ITPR3: variants seen among roughly 807,000 people sequenced by gnomAD.
The protein encoded by ITPR3 is inositol 1,4,5-trisphosphate-gated calcium channel ITPR3.
In ITPR3, 173 loss-of-function variants were observed where a neutral mutation model predicts 293.2. The observed-to-expected ratio is 0.59, with a 90% CI of 0.52 to 0.67. ITPR3 has a LOEUF of 0.67. ITPR3 is among the 30% of genes least tolerant of loss of function. The pLI is 0.00. For missense variants in ITPR3, 2,796 were observed against 3,592.1 expected (o/e 0.78, Z 5.66); for synonymous variants, 1,295 against 1,444.4 (o/e 0.90, Z 2.35).
In ITPR3 at chr6:33,686,994, T is replaced by C; in HGVS notation, c.5980-15T>C. ...CCTGAGACTGTGGCCTGCCTCCCTCTGCCCCTCCACCCAGGACAATGCCTC... is the reference window on the plus strand; with the variant it reads ...CCTGAGACTGTGGCCTGCCTCCCTCCGCCCCTCCACCCAGGACAATGCCTC... On this transcript the variant is annotated splice_polypyrimidine_tract_variant and intron_variant, in intron 43 of 57. Coordinates refer to ENST00000605930, the MANE Select transcript of ITPR3 (RefSeq NM_002224.4). The C allele has an allele frequency of 6.2e-7, 1 of 1,608,390 alleles. No homozygotes were observed. The highest frequency in any genetic ancestry group is 8.5e-7 in the Non-Finnish European group (1 of 1,175,384).
At chr6:33,662,763 A>T (rs1447019012) in intron 8 of ITPR3, 89 bp downstream of exon 8, 3 of 1,540,704 alleles carry the variant, frequency 1.9e-6, no homozygotes, top group Non-Finnish European at 1.8e-6. Context: ...TGGGATATTG[A>T]CCCCTACCTC....
Position 33,691,226 on chromosome 6 carries a change from C to A in ITPR3, c.7225+117C>A. ...CCTCACCAGGCTCCCGTCTGCTTCT[C>A]CTCTTGGCTTCTGGGGACGTCTAGC... On this transcript the variant is annotated intron_variant, in intron 52 of 57. Coordinates refer to ENST00000605930, the MANE Select transcript of ITPR3 (RefSeq NM_002224.4). The surrounding 1 kb of genome is among the most constrained non-coding windows in gnomAD (Gnocchi z 4.9). 1.0e-6 allele frequency: 1 copy of A among 991,496 alleles called. No individual in the cohort carries two copies. Among genetic ancestry groups the A allele is most frequent in the South Asian group, 1.6e-5 (1 of 64,390 alleles). 61.4% of individuals were successfully genotyped at this position (991,496 alleles called of 1,614,324 possible).
rs989628031 is a variant in ITPR3 at position 33,667,697 on chromosome 6, C to T, written c.1714-95C>T. The T allele has an allele frequency of 7.1e-7, 1 of 1,405,860 alleles. No homozygotes were observed. Among genetic ancestry groups the T allele is most frequent in the Non-Finnish European group, 9.8e-7 (1 of 1,024,358 alleles). The allele number at this position is 1,405,860 out of a possible 1,614,324, so 87.1% of individuals were successfully genotyped here. On this transcript the variant is annotated intron_variant, in intron 15 of 57. Coordinates refer to ENST00000605930, the MANE Select transcript of ITPR3 (RefSeq NM_002224.4). The surrounding 1 kb of genome is among the most constrained non-coding windows in gnomAD (Gnocchi z 4.4). ...CTCTGCCTTTCTAGGGTATTGGGTCCTTACCTCGGGGTTTGGGGGCAGCGT... is the reference window on the plus strand; with the variant it reads ...CTCTGCCTTTCTAGGGTATTGGGTCTTTACCTCGGGGTTTGGGGGCAGCGT...
intron 7 of ITPR3, among the ~76,000 whole-genome samples, chr6:33,660,497 C>T (rs1158788636): frequency 6.6e-6 from 1 of 152,112 alleles, no homozygotes; most frequent in African/African-American, 2.4e-5. Flanking sequence ...TACCCATGCC[C>T]TGCCCCAATG....
intron 7 of ITPR3, 113 bp from the exon 8 acceptor site, chr6:33,662,415 G>A: frequency 8.0e-7 from 1 of 1,253,062 alleles, no homozygotes; most frequent in Non-Finnish European, 1.1e-6. Flanking sequence ...GGCTCTGGAA[G>A]AGGGGCCCTG....
rs1227229947 is a variant in ITPR3 at position 33,679,656 on chromosome 6, G to A, written c.3973-226G>A. ...ATGACCCCTATGGGACTTCTTTCCAGTGGGGAGAAGCGGGGACTTTCTGGG... is the reference window on the plus strand; with the variant it reads ...ATGACCCCTATGGGACTTCTTTCCAATGGGGAGAAGCGGGGACTTTCTGGG... On this transcript the variant is annotated intron_variant, in intron 30 of 57. Coordinates refer to ENST00000605930, the MANE Select transcript of ITPR3 (RefSeq NM_002224.4). The surrounding 1 kb of genome is among the most constrained non-coding windows in gnomAD (Gnocchi z 4.2). Among the ~76,000 whole-genome samples the A allele has an allele frequency of 2.6e-5, 4 of 152,160 alleles. No individual in the cohort carries two copies. Among genetic ancestry groups the A allele is most frequent in the Non-Finnish European group, 5.9e-5 (4 of 68,036 alleles).
At chr6:33,662,765 C>A in intron 8 of ITPR3, 91 bp downstream of exon 8, 1 of 1,533,854 alleles carries the variant, frequency 6.5e-7, no homozygotes, top group East Asian at 2.3e-5. Context: ...GGATATTGAC[C>A]CCTACCTCCC....
intron 48 of ITPR3, 40 bp from the exon 49 acceptor site, chr6:33,688,616 C>T: frequency 1.2e-6 from 2 of 1,611,850 alleles, no homozygotes; most frequent in South Asian, 1.1e-5. Flanking sequence ...GGGGTGCTCA[C>T]CAGGGCCCTC....
chr6:33,640,677 C>T (rs764082161), intron 2 of ITPR3, 123 bp downstream of exon 2: 33 of 744,672 alleles, frequency 4.4e-5, no homozygotes, highest in Middle Eastern at 3.1e-4. Context: ...GCCCTGCAGA[C>T]CTCACTCTGC....
At chr6:33,657,827 G>A (rs1323806760) in intron 3 of ITPR3, 105 bp from the exon 4 acceptor site, 1 of 838,622 alleles carries the variant, frequency 1.2e-6, no homozygotes, top group African/African-American at 1.7e-5. Context: ...GTGTGTGTGT[G>A]TGTGTGTTTG....
Position 33,692,098 on chromosome 6 carries a change from T to C in ITPR3, c.7458+170T>C, listed in dbSNP as rs1765410901. ...TCCACACCTGGCCAATTCCATGATATTACTGCTTAGCTGCCCCCTCACCCT... is the reference window on the plus strand; with the variant it reads ...TCCACACCTGGCCAATTCCATGATACTACTGCTTAGCTGCCCCCTCACCCT... On this transcript the variant is annotated intron_variant, in intron 54 of 57. Transcript: ENST00000605930. This position sits in a 1 kb window ranked among gnomAD's most constrained non-coding sequence, Gnocchi z 4.2. 6.6e-6 allele frequency among the ~76,000 whole-genome samples: 1 copy of C among 152,236 alleles called. No individual in the cohort carries two copies. Among genetic ancestry groups the C allele is most frequent in the Non-Finnish European group, 1.5e-5 (1 of 68,050 alleles).
intron 2 of ITPR3, 119 bp downstream of exon 2, chr6:33,640,673 C>T: frequency 1.3e-6 from 1 of 783,292 alleles, no homozygotes; most frequent in Non-Finnish European, 2.0e-6. Context: ...CGCTGCCCTG[C>T]AGACCTCACT....
At chr6:33,662,741 C>T (rs1764505755) in intron 8 of ITPR3, 67 bp downstream of exon 8, 1 of 1,580,828 alleles carries the variant, frequency 6.3e-7, no homozygotes, top group Non-Finnish European at 8.6e-7. Flanking sequence ...TCTTCCCCAC[C>T]ATCCTGGAGG....
At chr6:33,659,823 G>A (rs974771259) in intron 7 of ITPR3, among the ~76,000 whole-genome samples, 1 of 152,166 alleles carries the variant, frequency 6.6e-6, no homozygotes, top group Non-Finnish European at 1.5e-5. Context: ...TCAGTGGACT[G>A]GGGGTCTCCA....
rs1327513979 is a variant in ITPR3 at position 33,633,891 on chromosome 6, T to TCCGGAGCCGCGCGGAC, written c.90-6590_90-6575dup. Reference sequence around the variant, plus strand: ...GGCCAGGGAGGCCAGACCTACGCTCTCCGGAGCCGCGCGGACCCAGAACCG... The same window carrying TCCGGAGCCGCGCGGAC: ...GGCCAGGGAGGCCAGACCTACGCTCTCCGGAGCCGCGCGGACCCGGAGCCGCGCGGACCCAGAACCG... On this transcript the variant is annotated intron_variant, in intron 1 of 57. Coordinates refer to ENST00000605930, the MANE Select transcript of ITPR3 (RefSeq NM_002224.4). The surrounding 1 kb of genome is among the most constrained non-coding windows in gnomAD (Gnocchi z 5.2). Among the ~76,000 whole-genome samples, 1 of 150,274 alleles carries TCCGGAGCCGCGCGGAC rather than the reference T, an allele frequency of 6.7e-6. No homozygotes were observed. The highest frequency in any genetic ancestry group is 1.5e-5 in the Non-Finnish European group (1 of 67,348).
rs1763432659 is a variant in ITPR3, at chr6:33,621,423, G to C, written c.-180G>C. ...GGGCACCTCCTCACCCGGACCCCGG[G>C]CCCCGCCGAGCCGCCTCCTGGCTCC... is the stretch of plus-strand genomic sequence containing the variant. On this transcript the variant is annotated 5_prime_UTR_variant, in exon 1 of 58. Coordinates refer to ENST00000605930, the MANE Select transcript of ITPR3 (RefSeq NM_002224.4). The surrounding 1 kb of genome is among the most constrained non-coding windows in gnomAD (Gnocchi z 7.7). 1 of 443,132 alleles carries C rather than the reference G, an allele frequency of 2.3e-6. No individual in the cohort carries two copies. Among genetic ancestry groups the C allele is most frequent in the Admixed American group, 4.6e-5 (1 of 21,736 alleles). The allele number at this position is 443,132 out of a possible 1,614,324, so 27.5% of individuals were successfully genotyped here. A position where few individuals can be genotyped will look rare whatever the true frequency, so the allele number is the denominator to read the frequency against.
In ITPR3 at chr6:33,679,779, G is replaced by A; in HGVS notation, c.3973-103G>A. ...GAGGGTTTTCCTGATTTCAGGTAAG[G>A]GCTGTGGTCAGAGTCCCAGTTTCTC... On this transcript the variant is annotated intron_variant, in intron 30 of 57. Transcript: ENST00000605930. The surrounding 1 kb of genome is among the most constrained non-coding windows in gnomAD (Gnocchi z 4.2). The A allele has an allele frequency of 7.0e-7, 1 of 1,422,214 alleles. No individual in the cohort carries two copies. 88.1% of individuals were successfully genotyped at this position (1,422,214 alleles called of 1,614,324 possible). A position where few individuals can be genotyped will look rare whatever the true frequency, so the allele number is the denominator to read the frequency against.
chr6:33,666,908 G>A lies in ITPR3; in HGVS notation c.1552-221G>A, dbSNP rs554481903. On this transcript the variant is annotated intron_variant, in intron 14 of 57. Coordinates refer to ENST00000605930, the MANE Select transcript of ITPR3 (RefSeq NM_002224.4). The surrounding 1 kb of genome is among the most constrained non-coding windows in gnomAD (Gnocchi z 5.1). ...TGGGATTAGAATCCGCATCAGGGAG[G>A]GATAGGCTGGGGTCAGCTTCGGGAT... Among the ~76,000 whole-genome samples, 168 of 152,298 alleles carry A rather than the reference G, an allele frequency of 1.1e-3. No individual in the cohort carries two copies. Among genetic ancestry groups the A allele is most frequent in the African/African-American group, 3.8e-3 (158 of 41,568 alleles).
In ITPR3 at chr6:33,667,938, C is replaced by A. The variant is rs761489863; in HGVS notation, c.1860C>A (p.Ser620Arg). Residue 620 changes from serine to arginine, a missense_variant, in exon 16 of 58, where the codon AGC becomes AGA. This residue lies in a region of ITPR3 where 955 missense variants were observed against 1,180.8 expected (regional missense o/e 0.81). Coordinates refer to ENST00000605930, the MANE Select transcript of ITPR3 (RefSeq NM_002224.4). The surrounding 1 kb of genome is among the most constrained non-coding windows in gnomAD (Gnocchi z 4.4). ...ITKTEVETFV[S>R]LVRKNREPRF... ...AGACCGAGGTGGAGACCTTCGTCAG[C>A]CTTGTGCGCAAGAACCGGGAGCCCA... 9 of 1,614,224 alleles carry A rather than the reference C, an allele frequency of 5.6e-6. No homozygotes were observed.
Sources: allele counts gnomAD v4.1 joint callset (sites outside exome capture counted in the v4.1 genomes callset), GRCh38; gene constraint gnomAD v4.1.1; regional missense constraint gnomAD v4.1.1; non-coding constraint Gnocchi (gnomAD v3.1); transcripts MANE v1.5; gene names NCBI Gene and HGNC (gene_info 2026-07-23, HGNC 2026-07-21).